Variants in SPATA16 observed in about 807,000 individuals in gnomAD.
SPATA16 encodes the protein spermatogenesis-associated protein 16.
SPATA16 carries 36 observed loss-of-function variants against 63.3 expected under a neutral mutation model. The observed-to-expected ratio is 0.57, with a 90% CI of 0.44 to 0.75. The LOEUF is 0.75. Among genes scored for constraint, SPATA16 ranks in the 30% least tolerant of loss-of-function variants. SPATA16 has a pLI of 0.00. For missense variants in SPATA16, 646 were observed against 679.3 expected (o/e 0.95, Z 0.54); for synonymous variants, 203 against 216.7 (o/e 0.94, Z 0.56).
chr3:172,966,355 C>G (rs537796201), intron 5 of SPATA16, among the ~76,000 whole-genome samples: 2 of 152,290 alleles, frequency 1.3e-5, no homozygotes, highest in Admixed American at 1.3e-4. Flanking sequence ...GGCTTGCCAG[C>G]TAAATATGAT....
At chr3:173,061,373 C>T (rs1344136910) in intron 2 of SPATA16, among the ~76,000 whole-genome samples, 1 of 152,186 alleles carries the variant, frequency 6.6e-6, no homozygotes. Flanking sequence ...AGGTAACAAT[C>T]TACTTTTTAT....
chr3:172,893,249 C>T (rs1560058794), intron 10 of SPATA16, among the ~76,000 whole-genome samples: 1 of 152,162 alleles, frequency 6.6e-6, no homozygotes, highest in African/African-American at 2.4e-5. Flanking sequence ...AAATGAGGTC[C>T]TTAGGGTGGG....
At chr3:173,023,013 T>C (rs1450117696) in intron 3 of SPATA16, among the ~76,000 whole-genome samples, 5 of 152,004 alleles carry the variant, frequency 3.3e-5, no homozygotes, top group African/African-American at 4.8e-5. Flanking sequence ...TTATAGTAAA[T>C]GAAAGTTTAT....
chr3:172,984,383 T>C (rs1328480494), intron 4 of SPATA16, among the ~76,000 whole-genome samples: 2 of 152,198 alleles, frequency 1.3e-5, no homozygotes, highest in Non-Finnish European at 2.9e-5. Flanking sequence ...CAGTAATTCA[T>C]ATCTGCTGTG....
intron 5 of SPATA16, among the ~76,000 whole-genome samples, chr3:172,968,073 C>G (rs1733959815): frequency 6.6e-6 from 1 of 152,140 alleles, no homozygotes; most frequent in Non-Finnish European, 1.5e-5. Flanking sequence ...TTTAACTATT[C>G]CTGGACTCAA....
intron 10 of SPATA16, among the ~76,000 whole-genome samples, chr3:172,903,204 A>G (rs911513339): frequency 7.2e-5 from 11 of 152,222 alleles, no homozygotes; most frequent in Non-Finnish European, 1.0e-4. Context: ...AATTTAAAGG[A>G]AGCAATGTAT....
At position 172,945,905 on chromosome 3, in the gene SPATA16, T is replaced by TG. The variant is rs540726256; in HGVS notation, c.1081+10771dup. ...TACATGACACTAGGGAGACACCAGC[T>TG]GGGGTGGCTATGGGAGTTCTTGTGT... On this transcript the variant is annotated intron_variant, in intron 6 of 10. Transcript: ENST00000351008. Among the ~76,000 whole-genome samples the TG allele has an allele frequency of 7.3e-3, 1,115 of 152,258 alleles. 10 individuals carry two copies. The highest frequency in any genetic ancestry group is 0.014 in the Middle Eastern group (4 of 294).
intron 1 of SPATA16, among the ~76,000 whole-genome samples, chr3:173,124,763 CT>C (rs1738182165): frequency 6.6e-6 from 1 of 152,160 alleles, no homozygotes; most frequent in Non-Finnish European, 1.5e-5. Context: ...ACACCATGCT[CT>C]TCCAATTTTC....
At chr3:173,119,212 G>C (rs778979258) in intron 1 of SPATA16, among the ~76,000 whole-genome samples, 3 of 152,132 alleles carry the variant, frequency 2.0e-5, no homozygotes, top group Non-Finnish European at 4.4e-5. Context: ...TGCATGCAGG[G>C]CTTAAAACCT....
chr3:172,964,748 A>G (rs1161334434), intron 5 of SPATA16, among the ~76,000 whole-genome samples: 10 of 152,222 alleles, frequency 6.6e-5, no homozygotes, highest in Non-Finnish European at 1.2e-4. Flanking sequence ...CAGTACACAC[A>G]ACTAATTAAT....
chr3:173,104,448 G>A (rs1350794142), intron 2 of SPATA16, among the ~76,000 whole-genome samples: 1 of 152,176 alleles, frequency 6.6e-6, no homozygotes, highest in Non-Finnish European at 1.5e-5. Context: ...CAGTTCTACA[G>A]GATTTACAGG....
chr3:172,991,623 C>A (rs141197971), intron 4 of SPATA16, among the ~76,000 whole-genome samples: 429 of 152,290 alleles, frequency 2.8e-3, no homozygotes, highest in African/African-American at 9.8e-3. Flanking sequence ...GCTTTCCAAA[C>A]TCATATTTTC....
intron 5 of SPATA16, among the ~76,000 whole-genome samples, chr3:172,957,825 A>G (rs1389768069): frequency 6.6e-6 from 1 of 152,210 alleles, no homozygotes; most frequent in African/African-American, 2.4e-5. Context: ...CATTGATAAT[A>G]AAAACAACAG....
At chr3:173,091,894 C>T (rs1415527394) in intron 2 of SPATA16, among the ~76,000 whole-genome samples, 2 of 152,074 alleles carry the variant, frequency 1.3e-5, no homozygotes, top group East Asian at 1.9e-4. Flanking sequence ...AGACAGTAAC[C>T]ACCCTTTGTT....
intron 5 of SPATA16, among the ~76,000 whole-genome samples, chr3:172,961,906 A>G (rs1005080550): frequency 6.6e-6 from 1 of 152,102 alleles, no homozygotes; most frequent in Non-Finnish European, 1.5e-5. Context: ...GGCCTGGCCC[A>G]TGAAACCCTG....
At chr3:172,978,155 CTCTCTCTA>C (rs960042508) in intron 4 of SPATA16, among the ~76,000 whole-genome samples, 3 of 148,864 alleles carry the variant, frequency 2.0e-5, no homozygotes, top group Admixed American at 2.0e-4. Flanking sequence ...CTCTCTCTCT[CTCTCTCTA>C]TATATATATA....
intron 10 of SPATA16, among the ~76,000 whole-genome samples, chr3:172,898,327 T>C (rs1732052415): frequency 6.6e-6 from 1 of 152,030 alleles, no homozygotes. Flanking sequence ...GTGTTAATTC[T>C]TTAAATGTGT....
At chr3:173,134,348 G>A (rs1738472793) in intron 1 of SPATA16, among the ~76,000 whole-genome samples, 1 of 152,090 alleles carries the variant, frequency 6.6e-6, no homozygotes, top group South Asian at 2.1e-4. Context: ...TGCTGAGTGA[G>A]TGAGGGAGTA....
chr3:172,906,902 C>T (rs532041964), intron 10 of SPATA16, among the ~76,000 whole-genome samples: 8 of 152,198 alleles, frequency 5.3e-5, no homozygotes, highest in East Asian at 1.9e-4. Flanking sequence ...CTACCACGCC[C>T]GGCTAATTTT....
Sources: gnomAD v4.1 joint callset for allele counts (sites outside exome capture counted in the v4.1 genomes callset) on GRCh38, gnomAD v4.1.1 for gene constraint, MANE v1.5 for transcripts, NCBI Gene and HGNC (gene_info 2026-07-23, HGNC 2026-07-21) for gene names.